The following GALNTL6 variants were observed in gnomAD, a reference collection of about 807,000 sequenced individuals.
GALNTL6 encodes polypeptide N-acetylgalactosaminyltransferase-like 6.
GALNTL6 carries 46 observed loss-of-function variants against 73.7 expected under a neutral mutation model. That is an observed-to-expected ratio of 0.62 (90% CI 0.49 to 0.80). The LOEUF (loss-of-function observed/expected upper bound fraction) is 0.80. Among genes scored for constraint, GALNTL6 ranks in the 30% least tolerant of loss-of-function variants. GALNTL6 has a pLI of 0.00. For missense variants in GALNTL6, 604 were observed against 755.0 expected, an observed-to-expected ratio of 0.80 and a Z score of 2.34; for synonymous variants, 259 against 263.7, an observed-to-expected ratio of 0.98 and a Z score of 0.17.
At chr4:171,949,677 T>A (rs1484456992) in intron 2 of GALNTL6, among the ~76,000 whole-genome samples, 1 of 152,040 alleles carries the variant, frequency 6.6e-6, no homozygotes, top group Non-Finnish European at 1.5e-5. Context: ...TAAGTAAAAA[T>A]ATATTATAAA....
At chr4:172,201,060 C>T (rs1443803261) in intron 2 of GALNTL6, among the ~76,000 whole-genome samples, 1 of 152,046 alleles carries the variant, frequency 6.6e-6, no homozygotes, top group Admixed American at 6.6e-5. Flanking sequence ...CATTATTTCC[C>T]TTAAAAACGA....
At chr4:171,884,275 G>T (rs1309044210) in intron 2 of GALNTL6, among the ~76,000 whole-genome samples, 1 of 152,022 alleles carries the variant, frequency 6.6e-6, no homozygotes, top group African/African-American at 2.4e-5. Context: ...AAGATCTCAT[G>T]CTTAGACTCA....
At chr4:171,962,922 C>G (rs960812435) in intron 2 of GALNTL6, among the ~76,000 whole-genome samples, 1 of 151,966 alleles carries the variant, frequency 6.6e-6, no homozygotes, top group Non-Finnish European at 1.5e-5. Context: ...TGTGCACCAC[C>G]ATGCCCAGCT....
At chr4:172,333,199 A>G (rs1741192461) in intron 4 of GALNTL6, among the ~76,000 whole-genome samples, 1 of 152,122 alleles carries the variant, frequency 6.6e-6, no homozygotes, top group South Asian at 2.1e-4. Context: ...TGAGGTTGGG[A>G]GTTCGAGACC....
chr4:172,316,643 G>A (rs986520599), intron 4 of GALNTL6, among the ~76,000 whole-genome samples: 3 of 152,204 alleles, frequency 2.0e-5, no homozygotes, highest in African/African-American at 7.2e-5. Flanking sequence ...AGTTATACCA[G>A]ACTAATGTAG....
At chr4:171,847,827 T>C (rs1735415409) in intron 2 of GALNTL6, among the ~76,000 whole-genome samples, 1 of 152,170 alleles carries the variant, frequency 6.6e-6, no homozygotes, top group Admixed American at 6.6e-5. Flanking sequence ...ATGACAAATG[T>C]AGTCACCTCC....
chr4:172,120,730 T>C (rs1489739903), intron 2 of GALNTL6, among the ~76,000 whole-genome samples: 2 of 152,038 alleles, frequency 1.3e-5, no homozygotes, highest in Admixed American at 1.3e-4. Context: ...GAACATAGAA[T>C]TCTGAAACTT....
intron 2 of GALNTL6, among the ~76,000 whole-genome samples, chr4:172,123,405 G>A (rs10015076): frequency 0.44 from 66,751 of 151,404 alleles, 15,309 homozygotes; most frequent in African/African-American, 0.55. Flanking sequence ...TTACCAAATT[G>A]CTGTATTAAC....
At chr4:172,862,074 G>C (rs1002787275) in intron 7 of GALNTL6, among the ~76,000 whole-genome samples, 11 of 152,208 alleles carry the variant, frequency 7.2e-5, no homozygotes, top group Non-Finnish European at 1.2e-4. Flanking sequence ...ATAGAAAAAT[G>C]TGAGAAAATT....
At chr4:172,259,138 G>A (rs1738173366) in intron 3 of GALNTL6, among the ~76,000 whole-genome samples, 2 of 151,274 alleles carry the variant, frequency 1.3e-5, no homozygotes, top group Non-Finnish European at 3.0e-5. Flanking sequence ...TCAATGACTG[G>A]ATCAAATGGT....
chr4:171,903,984 A>T (rs1405409868), intron 2 of GALNTL6, among the ~76,000 whole-genome samples: 1 of 152,026 alleles, frequency 6.6e-6, no homozygotes, highest in African/African-American at 2.4e-5. Flanking sequence ...CACACCAAAA[A>T]CCCATCTGTA....
intron 5 of GALNTL6, among the ~76,000 whole-genome samples, chr4:172,579,857 G>A (rs1427746891): frequency 6.6e-6 from 1 of 151,236 alleles, no homozygotes. Flanking sequence ...AAAGAAAGAA[G>A]GGAGGGAGGG....
intron 5 of GALNTL6, among the ~76,000 whole-genome samples, chr4:172,693,345 C>T (rs566128871): frequency 3.0e-4 from 46 of 152,238 alleles, no homozygotes; most frequent in African/African-American, 1.1e-3. Context: ...TCTGGTCTTC[C>T]AAATATCTTG....
chr4:172,686,039 T>C (rs1355118156), intron 5 of GALNTL6, among the ~76,000 whole-genome samples: 1 of 152,220 alleles, frequency 6.6e-6, no homozygotes, highest in Non-Finnish European at 1.5e-5. Context: ...CTGGATTAAA[T>C]ATTCAAAATA....
intron 2 of GALNTL6, among the ~76,000 whole-genome samples, chr4:171,825,580 C>CT (rs1734802619): frequency 6.6e-6 from 1 of 152,042 alleles, no homozygotes; most frequent in East Asian, 1.9e-4. Context: ...CGACAAAGAT[C>CT]TTGAGTTCTA....
intron 2 of GALNTL6, among the ~76,000 whole-genome samples, chr4:172,009,334 G>A (rs1054253346): frequency 6.6e-6 from 1 of 152,002 alleles, no homozygotes; most frequent in Non-Finnish European, 1.5e-5. Context: ...ACAGCGTGTG[G>A]GTTGTTGCTC....
chr4:171,876,555 G>T (rs1360753222), intron 2 of GALNTL6, among the ~76,000 whole-genome samples: 2 of 152,274 alleles, frequency 1.3e-5, no homozygotes, highest in South Asian at 4.1e-4. Flanking sequence ...GAAACAAACC[G>T]TCTAACCCTC....
At chr4:172,084,729 G>A (rs543876441) in intron 2 of GALNTL6, among the ~76,000 whole-genome samples, 48 of 152,228 alleles carry the variant, frequency 3.2e-4, no homozygotes, top group Non-Finnish European at 4.4e-4. Context: ...TTGGCCTATC[G>A]TATGTTGCAT....
chr4:172,299,488 T>G (rs961163663), intron 3 of GALNTL6, among the ~76,000 whole-genome samples: 33 of 152,338 alleles, frequency 2.2e-4, no homozygotes, highest in Non-Finnish European at 4.0e-4. Flanking sequence ...CTTTCCTGCT[T>G]TCTCTTGTGG....
Sources: allele counts gnomAD v4.1 joint callset (sites outside exome capture counted in the v4.1 genomes callset), GRCh38; gene constraint gnomAD v4.1.1; transcripts MANE v1.5; gene names NCBI Gene and HGNC (gene_info 2026-07-23, HGNC 2026-07-21).